Variants in NMRK2 observed in about 807,000 individuals in gnomAD.
NMRK2 encodes nicotinamide riboside kinase 2, also known as NRK 2.
A neutral mutation model predicts 24.7 loss-of-function variants in NMRK2; 34 were observed. The ratio of observed to expected loss-of-function variants is 1.37; its 90% CI spans 1.05 to 1.83. NMRK2 has a LOEUF of 1.83. Ranked by LOEUF, NMRK2 falls within the 40% of genes most tolerant of loss-of-function variation. The probability of loss-of-function intolerance (pLI) is 0.00; values close to 1 mark genes in which losing one functional copy is unlikely to be tolerated. For synonymous variants in NMRK2, 145 were observed against 125.6 expected, an observed-to-expected ratio of 1.15 and a Z score of -1.03; for missense variants, 341 against 315.0, an observed-to-expected ratio of 1.08 and a Z score of -0.62.
intron 2 of NMRK2, 21 bp downstream of exon 2, chr19:3,933,718 TGGGCGGCCCTGCGGG>T: frequency 7.0e-7 from 1 of 1,419,134 alleles, no homozygotes; most frequent in Non-Finnish European, 9.2e-7. Context: ...GGGGACCTGG[TGGGCGGCCCTGCGGG>T]GCAAAGCCCC....
At chr19:3,937,097 G>A in intron 3 of NMRK2, 143 bp from the exon 4 acceptor site, 1 of 738,504 alleles carries the variant, frequency 1.4e-6, no homozygotes, top group Non-Finnish European at 2.4e-6. Context: ...GATGGTCTGG[G>A]GAAAATCTGA....
intron 6 of NMRK2, 90 bp from the exon 7 acceptor site, chr19:3,940,977 CCTGA>C (rs1178798961): frequency 1.0e-5 from 8 of 797,564 alleles, no homozygotes; most frequent in East Asian, 5.3e-5. Context: ...AGGTTCTGTC[CCTGA>C]CTATGACAGC....
chr19:3,941,214 G>A (rs112432096), intron 7 of NMRK2, 37 bp downstream of exon 7: 86,102 of 1,126,544 alleles, frequency 0.076, 6,284 homozygotes, highest in Middle Eastern at 0.091. Flanking sequence ...TGCCCCGGGC[G>A]GGCGGGGGGG....
rs756000055 is a variant in NMRK2, at chr19:3,937,248, C to T, written c.126C>T (p.Asp42=). 8 of 1,613,314 alleles carry T rather than the reference C, an allele frequency of 5.0e-6. No homozygotes were observed. The South Asian group carries it at 8.8e-5, about 18-fold the overall frequency. Residue 42 remains aspartate, a synonymous_variant, in exon 4 of 8, where the codon GAC becomes GAT. Coordinates refer to ENST00000168977, the MANE Select transcript of NMRK2 (RefSeq NM_170678.3). ...AGGCTCCTCTGTTTCAGCCCCAAGACCAAATAGCAGTTGGGGAAGACGGCT... is the reference window on the plus strand; with the variant it reads ...AGGCTCCTCTGTTTCAGCCCCAAGATCAAATAGCAGTTGGGGAAGACGGCT... The part of the protein sequence containing the change: ...IHQDDFFKPQ[D]QIAVGEDGFK...
chr19:3,941,975 C>A, intron 7 of NMRK2, 108 bp from the exon 8 acceptor site: 1 of 865,918 alleles, frequency 1.2e-6, no homozygotes, highest in Non-Finnish European at 1.8e-6. Context: ...CTGACTCCAG[C>A]AGCCCGACTC....
At chr19:3,938,237 G>A (rs1196227030) in intron 4 of NMRK2, among the ~76,000 whole-genome samples, 4 of 103,132 alleles carry the variant, frequency 3.9e-5, no homozygotes, top group Non-Finnish European at 3.9e-5. Context: ...CCCGTCCACT[G>A]TCCCCCCGGG....
chr19:3,940,261 C>T (rs183048288), intron 6 of NMRK2, among the ~76,000 whole-genome samples: 7 of 140,274 alleles, frequency 5.0e-5, no homozygotes, highest in Admixed American at 1.5e-4. Context: ...GCAGGAGAAT[C>T]GCTTGAACCT....
Position 3,933,632 on chromosome 19 carries a change from G to T in NMRK2, c.-40G>T, listed in dbSNP as rs1457026113. 3 of 1,519,488 alleles carry T rather than the reference G, an allele frequency of 2.0e-6. No individual in the cohort carries two copies. Among genetic ancestry groups the T allele is most frequent in the Non-Finnish European group, 8.8e-7 (1 of 1,135,322 alleles). The allele number at this position is 1,519,488 out of a possible 1,614,324, so 94.1% of individuals were successfully genotyped here. A position where few individuals can be genotyped will look rare whatever the true frequency, so the allele number is the denominator to read the frequency against. On this transcript the variant is annotated 5_prime_UTR_variant, in exon 2 of 8. Coordinates refer to ENST00000168977, the MANE Select transcript of NMRK2 (RefSeq NM_170678.3). ...CACTGCGTGGTCGCACCCTACCCGG[G>T]CTGCCTTGGAAGTCGTCCCCGCCGC...
At chr19:3,940,363 C>G (rs1193992254) in intron 6 of NMRK2, among the ~76,000 whole-genome samples, 1 of 128,562 alleles carries the variant, frequency 7.8e-6, no homozygotes, top group African/African-American at 3.1e-5. Flanking sequence ...AAAAAAAAGG[C>G]GGCCAGGCGC....
rs763071227 is a variant in NMRK2 at position 3,937,226 on chromosome 19, C to T, written c.118-14C>T. ...CCGGGCACTGAGCCCGAGGTTCAGGCTCCTCTGTTTCAGCCCCAAGACCAA... is the reference window on the plus strand; with the variant it reads ...CCGGGCACTGAGCCCGAGGTTCAGGTTCCTCTGTTTCAGCCCCAAGACCAA... On this transcript the variant is annotated splice_polypyrimidine_tract_variant and intron_variant, in intron 3 of 7. Transcript: ENST00000168977. The T allele has an allele frequency of 8.7e-6, 14 of 1,612,960 alleles. No individual in the cohort carries two copies. The highest frequency in any genetic ancestry group is 1.2e-5 in the Non-Finnish European group (14 of 1,179,396).
rs1237590088 is a variant in NMRK2 at position 3,938,822 on chromosome 19, GTTTTTTTTTTTTTTTTTTTTTGTTTTGTT to G, written c.323+77_323+105del. ...CTCTGGGCGGGTATAGCCATCTCTT[GTTTTTTTTTTTTTTTTTTTTTGTTTTGTT>G]TTTTTTTTTTTTTGAGACAAGAGTT... On this transcript the variant is annotated intron_variant, in intron 5 of 7. Coordinates refer to ENST00000168977, the MANE Select transcript of NMRK2 (RefSeq NM_170678.3). 1.3e-4 allele frequency: 24 copies of G among 183,736 alleles called. 1 individual carries two copies. Among genetic ancestry groups the G allele is most frequent in the African/African-American group, 8.3e-4 (16 of 19,208 alleles). 11.4% of individuals were successfully genotyped at this position (183,736 alleles called of 1,614,324 possible).
intron 6 of NMRK2, among the ~76,000 whole-genome samples, chr19:3,940,711 G>A (rs930415579): frequency 4.3e-4 from 65 of 149,772 alleles, no homozygotes; most frequent in Admixed American, 1.0e-3. Context: ...CTCCAACCTG[G>A]GCAACAGAGC....
chr19:3,936,540 G>A (rs375750253), intron 2 of NMRK2, 35 bp from the exon 3 acceptor site: 14 of 1,494,812 alleles, frequency 9.4e-6, no homozygotes, highest in Non-Finnish European at 1.3e-5. Context: ...CTTGGGGGGA[G>A]CCCAGGCAGT....
Position 3,936,655 on chromosome 19 carries a change from ACTT to A in NMRK2, c.112_114del (p.Phe38del), listed in dbSNP as rs763776885. On this transcript the variant is annotated inframe_deletion, in exon 3 of 8. Coordinates refer to ENST00000168977, the MANE Select transcript of NMRK2 (RefSeq NM_170678.3). ...AACTGCTGCGTGATCCATCAGGATG[ACTT>A]CTTCAAGGTGCCCGCCCTTGCCCGG... 11 of 1,566,950 alleles carry A rather than the reference ACTT, an allele frequency of 7.0e-6. No homozygotes were observed. Among genetic ancestry groups the A allele is most frequent in the African/African-American group, 1.4e-5 (1 of 73,808 alleles).
chr19:3,942,142 C>G lies in NMRK2; in HGVS notation c.562C>G (p.Gln188Glu). 1 of 1,613,376 alleles carries G rather than the reference C, an allele frequency of 6.2e-7. No homozygotes were observed. Among genetic ancestry groups the G allele is most frequent in the Non-Finnish European group, 8.5e-7 (1 of 1,180,012 alleles). ...ELFREVLEDI[Q>E]NSLLNRSQES... ...CTTCCGTGAAGTCCTGGAAGACATT[C>G]AGAACTCGCTGCTGAACCGCTCCCA... Residue 188 changes from glutamine to glutamate, a missense_variant, in exon 8 of 8, where the codon CAG becomes GAG. By Grantham distance (29) the Gln-to-Glu change is conservative (BLOSUM62 2). Transcript: ENST00000168977.
chr19:3,936,407 C>CAAA (rs141137993), intron 2 of NMRK2, among the ~76,000 whole-genome samples, 168 bp from the exon 3 acceptor site: 1 of 149,544 alleles, frequency 6.7e-6, no homozygotes, highest in Non-Finnish European at 1.5e-5. Flanking sequence ...GACTTGGTCT[C>CAAA]AAAAAAAAAG....
chr19:3,936,788 C>A, intron 3 of NMRK2, 123 bp downstream of exon 3: 1 of 733,526 alleles, frequency 1.4e-6, no homozygotes, highest in Non-Finnish European at 2.2e-6. Flanking sequence ...CCACTCCCTG[C>A]CTGACCCCTC....
chr19:3,940,752 A>C (rs1345429180), intron 6 of NMRK2, among the ~76,000 whole-genome samples: 2 of 150,796 alleles, frequency 1.3e-5, no homozygotes, highest in Admixed American at 6.6e-5. Flanking sequence ...AAAAAAAAAA[A>C]AGAGAAAACG....
chr19:3,936,585 GGCGGCAAGACCACGCTGACCAACA>G lies in NMRK2; in HGVS notation c.40_63del (p.Gly14_Ser21del), dbSNP rs2145292688. On this transcript the variant is annotated inframe_deletion, in exon 3 of 8. Coordinates refer to ENST00000168977, the MANE Select transcript of NMRK2 (RefSeq NM_170678.3). ...ACGCTGTCTCCCCAGCATGACCAAC[GGCGGCAAGACCACGCTGACCAACA>G]GCCTGCTCAGAGCCCTGCCCAACTG... 1 of 1,558,778 alleles carries G rather than the reference GGCGGCAAGACCACGCTGACCAACA, an allele frequency of 6.4e-7. No homozygotes were observed. Among genetic ancestry groups the G allele is most frequent in the South Asian group, 1.2e-5 (1 of 84,772 alleles).
Sources: allele counts gnomAD v4.1 joint callset (sites outside exome capture counted in the v4.1 genomes callset), GRCh38; gene constraint gnomAD v4.1.1; transcripts MANE v1.5; gene names NCBI Gene and HGNC (gene_info 2026-07-23, HGNC 2026-07-21).